Variants in ERVMER34-1 observed in about 807,000 individuals in gnomAD.
ERVMER34-1 encodes endogenous retroviral envelope protein HEMO.
For synonymous variants in ERVMER34-1, 199 were observed against 111.7 expected (o/e 1.78, Z -4.93); for missense variants, 471 against 295.1 (o/e 1.60, Z -4.37).
In ERVMER34-1 at chr4:52,744,729, A is replaced by T; in HGVS notation, c.792T>A (p.Asp264Glu). ...TEAHGKWRCA[D>E]ASITNDKGHD... ...GACCTTTGTCATTAGTTATGCTGGC[A>T]TCTGCACATCTCCATTTCCCATGTG... Residue 264 changes from aspartate to glutamate, a missense_variant, in exon 3 of 3, where the codon GAT becomes GAA. Transcript: ENST00000443173. 2 of 704,188 alleles carry T rather than the reference A, an allele frequency of 2.8e-6. No homozygotes were observed. Among genetic ancestry groups the T allele is most frequent in the Non-Finnish European group, 5.2e-6 (2 of 385,016 alleles). 43.6% of individuals were successfully genotyped at this position (704,188 alleles called of 1,614,324 possible).
chr4:52,749,559 T>G (rs1716234574), intron 2 of ERVMER34-1, among the ~76,000 whole-genome samples: 1 of 152,136 alleles, frequency 6.6e-6, no homozygotes, highest in Non-Finnish European at 1.5e-5. Context: ...CCCAGCACTT[T>G]GGGAGGCCGA....
intron 2 of ERVMER34-1, among the ~76,000 whole-genome samples, chr4:52,747,550 G>T (rs1716184328): frequency 6.6e-6 from 1 of 152,160 alleles, no homozygotes; most frequent in Non-Finnish European, 1.5e-5. Flanking sequence ...TCCCATGGAG[G>T]TTAACATATA....
intron 2 of ERVMER34-1, among the ~76,000 whole-genome samples, chr4:52,747,145 C>T (rs1490636657): frequency 1.3e-5 from 2 of 152,110 alleles, no homozygotes; most frequent in Admixed American, 1.3e-4. Flanking sequence ...AGGAGAATCG[C>T]TTGAACCCAG....
chr4:52,748,713 A>G (rs1716210436), intron 2 of ERVMER34-1, among the ~76,000 whole-genome samples: 1 of 152,176 alleles, frequency 6.6e-6, no homozygotes, highest in Non-Finnish European at 1.5e-5. Flanking sequence ...TATTGAAATT[A>G]GCATTAACCA....
In ERVMER34-1 at chr4:52,745,340, CA is replaced by C. The variant is rs1317570362; in HGVS notation, c.180del (p.Phe60LeufsTer39). On this transcript the variant is annotated frameshift_variant, in exon 3 of 3. Coordinates refer to ENST00000443173, the MANE Select transcript of ERVMER34-1 (RefSeq NM_001242690.2). LOFTEE classifies it low-confidence loss of function (END_TRUNC). ...CACCAGGTGCTTGCACTGGCAGGAA[CA>C]AAAACTAGTTCGGGTTGTTCTGCAT... The part of the protein sequence containing the change: ...LDNAEQPELV[F>X]VPASASTWWT... 3 of 703,898 alleles carry C rather than the reference CA, an allele frequency of 4.3e-6. No homozygotes were observed. In the African/African-American group the frequency reaches 5.2e-5, roughly 12 times the overall value. The allele number at this position is 703,898 out of a possible 1,614,324, so 43.6% of individuals were successfully genotyped here.
In ERVMER34-1 at chr4:52,744,459, T is replaced by C. The variant is rs753160379; in HGVS notation, c.1062A>G (p.Gln354=). The change falls in exon 3 of 3, where the codon CAA becomes CAG. Residue 354 remains glutamine (Q), a synonymous_variant. Coordinates refer to ENST00000443173, the MANE Select transcript of ERVMER34-1 (RefSeq NM_001242690.2). ...ACAGAGGTGGATTGTCTGTGTCTCC[T>C]TGGGTGCATCTATGCGGTGTTACTT... ...IHKVTPHRCT[Q]GDTDNPPLYC... is the part of the protein sequence containing the mutation. 3 of 704,174 alleles carry C rather than the reference T, an allele frequency of 4.3e-6. No homozygotes were observed. The East Asian group carries it at 8.0e-5, about 19-fold the overall frequency. The allele number at this position is 704,174 out of a possible 1,614,324, so 43.6% of individuals were successfully genotyped here. A position where few individuals can be genotyped will look rare whatever the true frequency, so the allele number is the denominator to read the frequency against.
chr4:52,749,082 TCTCAAACTTCTAAG>T (rs920218162), intron 2 of ERVMER34-1, among the ~76,000 whole-genome samples: 2 of 152,018 alleles, frequency 1.3e-5, no homozygotes, highest in African/African-American at 4.8e-5. Context: ...CCCAGGGTGG[TCTCAAACTTCTAAG>T]CTCAAGTGAT....
intron 2 of ERVMER34-1, chr4:52,748,213 TA>T: frequency 4.1e-6 from 1 of 246,456 alleles, no homozygotes; most frequent in Non-Finnish European, 8.0e-6. Flanking sequence ...GAAGAGAATG[TA>T]AAGCTCCTCT....
chr4:52,743,729 AGAG>A lies in ERVMER34-1; in HGVS notation c.*97_*99del. The A allele has an allele frequency of 9.2e-7, 1 of 1,091,788 alleles. No individual in the cohort carries two copies. Among genetic ancestry groups the A allele is most frequent in the East Asian group, 2.6e-5 (1 of 38,514 alleles). The allele number at this position is 1,091,788 out of a possible 1,614,324, so 67.6% of individuals were successfully genotyped here. On this transcript the variant is annotated 3_prime_UTR_variant, in exon 3 of 3. Transcript: ENST00000443173. ...AAGTGCCCTTATAAGAGGAACACTC[AGAG>A]GAGGGTTTTGGCAGCTGAATTCTCG...
intron 2 of ERVMER34-1, among the ~76,000 whole-genome samples, chr4:52,750,243 C>A (rs1716252753): frequency 6.6e-6 from 1 of 152,146 alleles, no homozygotes; most frequent in African/African-American, 2.4e-5. Context: ...AGGCAATCCG[C>A]CCACCTCGGC....
In ERVMER34-1 at chr4:52,744,590, G is replaced by GT; in HGVS notation, c.930dup (p.Pro311ThrfsTer2). On this transcript the variant is annotated frameshift_variant, in exon 3 of 3. Transcript: ENST00000443173. LOFTEE classifies it low-confidence loss of function (END_TRUNC). ...AGTCCACATCGCCCAGACCATTTAG[G>GT]TGGAAACCCTTTGTACACCCCATTG... 1.4e-6 allele frequency: 1 copy of GT among 704,042 alleles called. No homozygotes were observed. The highest frequency in any genetic ancestry group is 1.5e-5 in the South Asian group (1 of 67,592). 43.6% of individuals were successfully genotyped at this position (704,042 alleles called of 1,614,324 possible).
Position 52,745,407 on chromosome 4 carries a change from C to G in ERVMER34-1, c.114G>C (p.Leu38Phe). ...LAPVFRTLSI[L>F]TNQSNCWLCE... Reference sequence around the variant, plus strand: ...ATAACCAGCAATTAGACTGATTAGTCAAGATAGATAGTGTCCGGAAAACTG... The same window carrying G: ...ATAACCAGCAATTAGACTGATTAGTGAAGATAGATAGTGTCCGGAAAACTG... The change falls in exon 3 of 3, where the codon TTG (leucine) becomes TTC (phenylalanine). Residue 38 changes from leucine to phenylalanine, a missense_variant. Physicochemically the swap from Leu to Phe is conservative, Grantham distance 22. Coordinates refer to ENST00000443173, the MANE Select transcript of ERVMER34-1 (RefSeq NM_001242690.2). The G allele has an allele frequency of 1.4e-6, 1 of 703,954 alleles. No individual in the cohort carries two copies. The highest frequency in any genetic ancestry group is 2.6e-6 in the Non-Finnish European group (1 of 384,976). 43.6% of individuals were successfully genotyped at this position (703,954 alleles called of 1,614,324 possible).
rs1560436209 is a variant in ERVMER34-1, at chr4:52,744,268, G to A, written c.1253C>T (p.Ser418Phe). Reference sequence around the variant, plus strand: ...CAAGACATGATCCTTTCGGGATGCAGAGGCTAAACTGCTAACTTTTGATTG... The same window carrying A: ...CAAGACATGATCCTTTCGGGATGCAAAGGCTAAACTGCTAACTTTTGATTG... ...AHQSKVSSLASASRKDHVLDI... is the reference protein window; with the variant it reads ...AHQSKVSSLAFASRKDHVLDI... The change falls in exon 3 of 3, where the codon TCT becomes TTT. Residue 418 changes from serine (S) to phenylalanine (F), a missense_variant. Coordinates refer to ENST00000443173, the MANE Select transcript of ERVMER34-1 (RefSeq NM_001242690.2). 1 of 704,186 alleles carries A rather than the reference G, an allele frequency of 1.4e-6. No individual in the cohort carries two copies. The highest frequency in any genetic ancestry group is 1.5e-5 in the South Asian group (1 of 67,594). 43.6% of individuals were successfully genotyped at this position (704,186 alleles called of 1,614,324 possible).
At chr4:52,748,736 G>A (rs561646234) in intron 2 of ERVMER34-1, among the ~76,000 whole-genome samples, 1 of 152,194 alleles carries the variant, frequency 6.6e-6, no homozygotes, top group East Asian at 1.9e-4. Context: ...CCACACACCT[G>A]TTTTTATTTA....
At chr4:52,750,278 A>G (rs1716254512) in intron 2 of ERVMER34-1, among the ~76,000 whole-genome samples, 1 of 152,088 alleles carries the variant, frequency 6.6e-6, no homozygotes, top group South Asian at 2.1e-4. Context: ...GGATCACCGG[A>G]GTGAGCCACT....
rs1456294278 is a variant in ERVMER34-1, at chr4:52,745,792, T to C, written c.-272A>G. Reference sequence around the variant, plus strand: ...TGGCCTTCCAGTTGTCATATAATGATCTCAATCTAGCTTCCTGTGGCTTGT... The same window carrying C: ...TGGCCTTCCAGTTGTCATATAATGACCTCAATCTAGCTTCCTGTGGCTTGT... On this transcript the variant is annotated 5_prime_UTR_variant, in exon 3 of 3. Coordinates refer to ENST00000443173, the MANE Select transcript of ERVMER34-1 (RefSeq NM_001242690.2). 1 of 446,024 alleles carries C rather than the reference T, an allele frequency of 2.2e-6. No homozygotes were observed. Among genetic ancestry groups the C allele is most frequent in the Non-Finnish European group, 4.0e-6 (1 of 249,982 alleles). 27.6% of individuals were successfully genotyped at this position (446,024 alleles called of 1,614,324 possible).
chr4:52,750,251 G>T (rs1287697752), intron 2 of ERVMER34-1, among the ~76,000 whole-genome samples: 1 of 151,988 alleles, frequency 6.6e-6, no homozygotes, highest in African/African-American at 2.4e-5. Context: ...CGCCCACCTC[G>T]GCCTCCCAAA....
intron 2 of ERVMER34-1, chr4:52,748,377 T>C (rs1033499548): frequency 1.3e-5 from 2 of 155,042 alleles, no homozygotes; most frequent in African/African-American, 4.8e-5. Context: ...TATTTGACAC[T>C]GTAAGCAGTA....
At chr4:52,748,361 T>C (rs1312650350) in intron 2 of ERVMER34-1, 1 of 155,450 alleles carries the variant, frequency 6.4e-6, no homozygotes, top group Non-Finnish European at 1.4e-5. Flanking sequence ...AAAAACCAAG[T>C]GTTGGTATTT....
Sources: allele counts gnomAD v4.1 joint callset (sites outside exome capture counted in the v4.1 genomes callset), GRCh38; gene constraint gnomAD v4.1.1; transcripts MANE v1.5; gene names NCBI Gene and HGNC (gene_info 2026-07-23, HGNC 2026-07-21).